RGS20: variants seen among roughly 807,000 people sequenced by gnomAD.
RGS20 encodes gz-selective GTPase-activating protein.
A neutral mutation model predicts 33.6 loss-of-function variants in RGS20; 30 were observed. That is an observed-to-expected ratio of 0.89 (90% CI 0.67 to 1.21). The LOEUF is 1.21. RGS20 is among the 50% of genes most tolerant of loss of function. The pLI, the probability that RGS20 is intolerant of heterozygous loss-of-function variation, is 0.00. For synonymous variants in RGS20, 208 were observed against 197.9 expected, an observed-to-expected ratio of 1.05 and a Z score of -0.43; for missense variants, 472 against 502.4, an observed-to-expected ratio of 0.94 and a Z score of 0.58.
At chr8:53,929,598 G>A (rs1813897980) in intron 2 of RGS20, among the ~76,000 whole-genome samples, 1 of 152,182 alleles carries the variant, frequency 6.6e-6, no homozygotes, top group African/African-American at 2.4e-5. Flanking sequence ...AACCCAAAAG[G>A]TGGAGGTTGC....
At chr8:53,935,800 G>A (rs537158003) in intron 2 of RGS20, among the ~76,000 whole-genome samples, 1 of 152,108 alleles carries the variant, frequency 6.6e-6, no homozygotes, top group Non-Finnish European at 1.5e-5. Context: ...AACAAAAAAA[G>A]AAAATTTCAG....
chr8:53,851,898 A>G lies in RGS20; in HGVS notation c.-2A>G. 10 of 1,613,914 alleles carry G rather than the reference A, an allele frequency of 6.2e-6. No homozygotes were observed. Among genetic ancestry groups the G allele is most frequent in the Non-Finnish European group, 7.6e-6 (9 of 1,179,918 alleles). Reference sequence around the variant, plus strand: ...CTCATTTGGGGCCTTTATTGTGAAAACATGCCCCAGCTTTCCCAAGATAAC... The same window carrying G: ...CTCATTTGGGGCCTTTATTGTGAAAGCATGCCCCAGCTTTCCCAAGATAAC... On this transcript the variant is annotated 5_prime_UTR_variant, in exon 1 of 6. Coordinates refer to ENST00000297313, the MANE Select transcript of RGS20 (RefSeq NM_170587.4).
At chr8:53,867,365 A>T (rs1208277528) in intron 1 of RGS20, among the ~76,000 whole-genome samples, 1 of 152,184 alleles carries the variant, frequency 6.6e-6, no homozygotes, top group Non-Finnish European at 1.5e-5. Context: ...TTTGGATGAG[A>T]GGGTTTTTCA....
At chr8:53,951,302 T>C (rs1013584972) in intron 4 of RGS20, among the ~76,000 whole-genome samples, 19 of 152,018 alleles carry the variant, frequency 1.2e-4, no homozygotes, top group African/African-American at 4.6e-4. Context: ...CTGAGCAACA[T>C]GACAAAATCT....
At chr8:53,856,216 A>AT (rs11366812) in intron 1 of RGS20, among the ~76,000 whole-genome samples, 2,621 of 138,780 alleles carry the variant, frequency 0.019, 30 homozygotes, top group Non-Finnish European at 0.026. Context: ...TTATTTTTCA[A>AT]TTTTTTTTTT....
intron 1 of RGS20, chr8:53,879,155 C>A: frequency 1.1e-6 from 1 of 904,832 alleles, no homozygotes; most frequent in Non-Finnish European, 1.7e-6. Context: ...TTCTCTTGCA[C>A]CCCCAAAGTA....
chr8:53,954,371 T>C, intron 5 of RGS20, 61 bp downstream of exon 4: 1 of 1,166,692 alleles, frequency 8.6e-7, no homozygotes, highest in Non-Finnish European at 1.3e-6. Flanking sequence ...GGTGCAAAAG[T>C]AATTGCCATA....
intron 1 of RGS20, among the ~76,000 whole-genome samples, chr8:53,865,175 T>C (rs1479444380): frequency 6.6e-6 from 1 of 152,248 alleles, no homozygotes. Flanking sequence ...ATGTCTTCCC[T>C]GTTCTTGCCG....
intron 1 of RGS20, among the ~76,000 whole-genome samples, chr8:53,879,077 G>A (rs1446660118): frequency 2.0e-5 from 3 of 152,142 alleles, no homozygotes; most frequent in Non-Finnish European, 4.4e-5. Flanking sequence ...GTAGCACGGA[G>A]TTAGGAAATA....
At chr8:53,870,158 C>T (rs1257311754) in intron 1 of RGS20, among the ~76,000 whole-genome samples, 1 of 152,160 alleles carries the variant, frequency 6.6e-6, no homozygotes, top group Non-Finnish European at 1.5e-5. Flanking sequence ...CCTTTTCCAA[C>T]CACCATTCTC....
rs1381494541 is a variant in RGS20 at position 53,858,099 on chromosome 8, C to T, written c.165+6035C>T. Among the ~76,000 whole-genome samples, 4 of 152,126 alleles carry T rather than the reference C, an allele frequency of 2.6e-5. No homozygotes were observed. In the East Asian group the frequency reaches 7.7e-4, roughly 29 times the overall value. ...ACTTATTATCATCCCAGAGACTATTCTTATATAGCTAACTTGGACAATCCC... is the reference window on the plus strand; with the variant it reads ...ACTTATTATCATCCCAGAGACTATTTTTATATAGCTAACTTGGACAATCCC... On this transcript the variant is annotated intron_variant, in intron 1 of 5. Transcript: ENST00000297313.
chr8:53,911,384 A>G (rs1384342143), intron 2 of RGS20, among the ~76,000 whole-genome samples: 1 of 152,250 alleles, frequency 6.6e-6, no homozygotes, highest in Non-Finnish European at 1.5e-5. Context: ...AACCTTTGGC[A>G]AATCTGATTC....
At position 53,877,168 on chromosome 8, in the gene RGS20, T is replaced by C. The variant is rs1812226477; in HGVS notation, c.166-2090T>C. Among the ~76,000 whole-genome samples, 1 of 152,174 alleles carries C rather than the reference T, an allele frequency of 6.6e-6. No homozygotes were observed. Among genetic ancestry groups the C allele is most frequent in the African/African-American group, 2.4e-5 (1 of 41,446 alleles). ...AGTGCTGGGCGCTCTCTTTCAGCAT[T>C]TTCGGCTTTTTTCAAGCCCTTGCGT... On this transcript the variant is annotated intron_variant, in intron 1 of 5. Transcript: ENST00000297313. The surrounding 1 kb of genome is among the most constrained non-coding windows in gnomAD (Gnocchi z 5.7).
At chr8:53,876,334 A>C (rs1483113299) in intron 1 of RGS20, 1 of 152,234 alleles carries the variant, frequency 6.6e-6, no homozygotes, top group African/African-American at 2.4e-5. Flanking sequence ...CGTCTGCATA[A>C]AGGCACTCTG....
At chr8:53,869,023 G>C (rs1477670045) in intron 1 of RGS20, among the ~76,000 whole-genome samples, 1 of 152,172 alleles carries the variant, frequency 6.6e-6, no homozygotes, top group Admixed American at 6.5e-5. Flanking sequence ...AAAGTGCTGA[G>C]ATTATAGGCA....
intron 2 of RGS20, among the ~76,000 whole-genome samples, chr8:53,929,197 C>G (rs950372543): frequency 1.3e-5 from 2 of 152,262 alleles, no homozygotes; most frequent in African/African-American, 4.8e-5. Flanking sequence ...TTTGAGAAAA[C>G]TTTTGAGGGT....
chr8:53,856,099 C>T lies in RGS20; in HGVS notation c.165+4035C>T, dbSNP rs148938823. Among the ~76,000 whole-genome samples the T allele has an allele frequency of 4.4e-3, 665 of 152,276 alleles. 5 individuals carry two copies. Among genetic ancestry groups the T allele is most frequent in the African/African-American group, 0.015 (637 of 41,556 alleles). On this transcript the variant is annotated intron_variant, in intron 1 of 5. Transcript: ENST00000297313. ...CTTCATAGTACTTTCTGTATGATTT[C>T]TGCCCAAAATACTCCAACATGGGCC...
chr8:53,945,839 A>G (rs1319844509), intron 3 of RGS20, among the ~76,000 whole-genome samples: 1 of 151,846 alleles, frequency 6.6e-6, no homozygotes, highest in Non-Finnish European at 1.5e-5. Flanking sequence ...GTGAGCTGAG[A>G]TTGCGCCACA....
chr8:53,886,661 C>G (rs1585888247), intron 2 of RGS20, among the ~76,000 whole-genome samples: 1 of 152,170 alleles, frequency 6.6e-6, no homozygotes, highest in East Asian at 1.9e-4. Flanking sequence ...TGTGCACCTC[C>G]GTCCAACAGT....
Sources: gnomAD v4.1 joint callset for allele counts (sites outside exome capture counted in the v4.1 genomes callset) on GRCh38, gnomAD v4.1.1 for gene constraint, Gnocchi (gnomAD v3.1) non-coding constraint, MANE v1.5 for transcripts, NCBI Gene and HGNC (gene_info 2026-07-23, HGNC 2026-07-21) for gene names.